Variants in NEK4 observed in about 807,000 individuals in gnomAD.
The protein encoded by NEK4 is NIMA related kinase 4, also known as serine/threonine-protein kinase Nek4.
NEK4 carries 86 observed loss-of-function variants against 98.4 expected under a neutral mutation model. That is an observed-to-expected ratio of 0.87 (90% confidence interval 0.73 to 1.05). The LOEUF is 1.05. NEK4 is among the 50% of genes least tolerant of loss of function. The pLI is 0.00. For synonymous variants in NEK4, 328 were observed against 342.2 expected, an observed-to-expected ratio of 0.96 and a Z score of 0.46; for missense variants, 898 against 950.3, an observed-to-expected ratio of 0.94 and a Z score of 0.72.
At chr3:52,749,858 C>T (rs1013267914) in intron 7 of NEK4, 29 bp from the exon 8 acceptor site, 12 of 158,362 alleles carry the variant, frequency 7.6e-5, no homozygotes, top group Admixed American at 2.0e-4. Context: ...AAAAGAAAAA[C>T]ATGTTCAACA....
chr3:52,768,957 C>T (rs1698681862), intron 1 of NEK4, among the ~76,000 whole-genome samples: 1 of 152,188 alleles, frequency 6.6e-6, no homozygotes, highest in Non-Finnish European at 1.5e-5. Context: ...CAGTGGCTCA[C>T]ACCTGTAATC....
At chr3:52,745,890 T>C (rs2097395238) in intron 10 of NEK4, among the ~76,000 whole-genome samples, 171 bp downstream of exon 10, 1 of 152,162 alleles carries the variant, frequency 6.6e-6, no homozygotes, top group South Asian at 2.1e-4. Context: ...ATTTCGCTAA[T>C]TTTTAAATTT....
In NEK4 at chr3:52,746,059, AC is replaced by A; in HGVS notation, c.1827+1del. 6.2e-7 allele frequency: 1 copy of A among 1,612,780 alleles called. No homozygotes were observed. ...AAAAATCCAGCATATGTTCCCACAA[AC>A]CTTTGATGATGACATCTCACTGCTC... is the stretch of plus-strand genomic sequence containing the variant. On this transcript the variant is annotated splice_donor_variant, in intron 10 of 15. Coordinates refer to ENST00000233027, the MANE Select transcript of NEK4 (RefSeq NM_003157.6). LOFTEE classifies it high-confidence loss of function.
intron 15 of NEK4, among the ~76,000 whole-genome samples, chr3:52,726,380 C>T (rs2097364581): frequency 6.6e-6 from 1 of 151,990 alleles, no homozygotes; most frequent in Non-Finnish European, 1.5e-5. Context: ...AGGTGAATCA[C>T]GAGCTCAGGA....
At chr3:52,715,959 C>A (rs1252699292) in intron 15 of NEK4, among the ~76,000 whole-genome samples, 1 of 152,250 alleles carries the variant, frequency 6.6e-6, no homozygotes, top group Non-Finnish European at 1.5e-5. Context: ...TGGTTCCTGG[C>A]ATCTCCAAGC....
At position 52,746,810 on chromosome 3, in the gene NEK4, C is replaced by T. The variant is rs747680044; in HGVS notation, c.1601G>A (p.Arg534Gln). 27 of 1,613,980 alleles carry T rather than the reference C, an allele frequency of 1.7e-5. No homozygotes were observed. Among genetic ancestry groups the T allele is most frequent in the Admixed American group, 8.3e-5 (5 of 60,000 alleles). The change falls in exon 9 of 16, where the codon CGA (arginine) becomes CAA (glutamine). Residue 534 changes from arginine (R) to glutamine (Q), a missense_variant. Coordinates refer to ENST00000233027, the MANE Select transcript of NEK4 (RefSeq NM_003157.6). ...HNSGSEPSLS[R>Q]QRRQKRREQT... The stretch of plus-strand genomic sequence containing the variant: ...TTCTCTCCTCTTTTGCCGTCGCTGT[C>T]GAGACAGGGAAGGTTCAGACCCAGA...
At chr3:52,759,273 A>G (rs985868214) in intron 6 of NEK4, among the ~76,000 whole-genome samples, 1 of 151,894 alleles carries the variant, frequency 6.6e-6, no homozygotes, top group African/African-American at 2.4e-5. Flanking sequence ...GCATGGTGGC[A>G]TGCTGTGGTC....
Position 52,743,424 on chromosome 3 carries a change from C to T in NEK4, c.1932G>A (p.Gly644=), listed in dbSNP as rs1158825787. The change falls in exon 12 of 16, where the codon GGG becomes GGA. Residue 644 remains glycine (G), a synonymous_variant. Coordinates refer to ENST00000233027, the MANE Select transcript of NEK4 (RefSeq NM_003157.6). ...SVRKASLSVA[G]PGKPQEEDQP... is the part of the protein sequence containing the mutation. The stretch of plus-strand genomic sequence containing the variant: ...GGTCTTCTTCCTGGGGTTTTCCTGG[C>T]CCTGCTACACTCAGAGACGCTTTCC... 2 of 1,613,990 alleles carry T rather than the reference C, an allele frequency of 1.2e-6. No individual in the cohort carries two copies. The highest frequency in any genetic ancestry group is 2.2e-5 in the South Asian group (2 of 91,088).
rs144875434 is a variant in NEK4 at position 52,722,857 on chromosome 3, T to C, written c.2434-10988A>G. Among the ~76,000 whole-genome samples, 157 of 152,208 alleles carry C rather than the reference T, an allele frequency of 1.0e-3. 6 individuals carry two copies. The East Asian group carries it at 0.027, about 27-fold the overall frequency. ...GCTGCAGTGAGCCATGACTATTCCA[T>C]TGCCCTCTAGCCTGAGCGACAGAGC... On this transcript the variant is annotated intron_variant, in intron 15 of 15. Coordinates refer to ENST00000233027, the MANE Select transcript of NEK4 (RefSeq NM_003157.6).
In NEK4 at chr3:52,716,971, G is replaced by A. The variant is rs190167535; in HGVS notation, c.2434-5102C>T. On this transcript the variant is annotated intron_variant, in intron 15 of 15. Transcript: ENST00000233027. ...CAACGGTTATCTTCTTGGGAGGGCA[G>A]GCCATTGGCAGATCTCATCCTGCTG... Among the ~76,000 whole-genome samples the A allele has an allele frequency of 7.9e-5, 12 of 152,290 alleles. No individual in the cohort carries two copies. In the East Asian group the frequency reaches 2.1e-3, roughly 27 times the overall value.
intron 12 of NEK4, 60 bp downstream of exon 12, chr3:52,743,292 C>T: frequency 7.7e-7 from 1 of 1,304,980 alleles, no homozygotes; most frequent in Non-Finnish European, 1.1e-6. Context: ...AAAAGGTTTA[C>T]TGCATTAGGC....
intron 1 of NEK4, 46 bp downstream of exon 1, chr3:52,770,608 C>T (rs1698742696): frequency 1.4e-6 from 2 of 1,459,984 alleles, no homozygotes; most frequent in East Asian, 5.0e-5. Context: ...GCCCTCGGCG[C>T]ACTTCTGCCC....
chr3:52,749,880 T>G lies in NEK4; in HGVS notation c.1369-51A>C, dbSNP rs541846996. ...AAACATGTTCAACATCATTGGTCATTAGGGAGATGCAAATCACAACCACTT... is the reference window on the plus strand; with the variant it reads ...AAACATGTTCAACATCATTGGTCATGAGGGAGATGCAAATCACAACCACTT... On this transcript the variant is annotated intron_variant, in intron 7 of 15. Transcript: ENST00000233027. The G allele has an allele frequency of 1.8e-4, 28 of 156,220 alleles. No homozygotes were observed. In the South Asian group the frequency reaches 4.1e-3, roughly 23 times the overall value. The allele number at this position is 156,220 out of a possible 1,614,324, so 9.7% of individuals were successfully genotyped here. A position where few individuals can be genotyped will look rare whatever the true frequency, so the allele number is the denominator to read the frequency against.
At position 52,752,041 on chromosome 3, in the gene NEK4, T is replaced by A; in HGVS notation, c.1259A>T (p.Gln420Leu). The change falls in exon 7 of 16, where the codon CAG (glutamine) becomes CTG (leucine). Residue 420 changes from glutamine to leucine, a missense_variant. Physicochemically the swap from Gln to Leu is moderately radical, Grantham distance 113. Transcript: ENST00000233027. The stretch of plus-strand genomic sequence containing the variant: ...CCACATGGGAATCAGGTTTTCAGGC[T>A]GGGCACTGGATTTAGTGTTGTCCTG... ...MLQDNTKSSA[Q>L]PENLIPMWSS... The A allele has an allele frequency of 6.2e-7, 1 of 1,614,244 alleles. No individual in the cohort carries two copies. The highest frequency in any genetic ancestry group is 2.2e-5 in the East Asian group (1 of 44,888).
intron 15 of NEK4, among the ~76,000 whole-genome samples, chr3:52,714,139 G>A (rs543558029): frequency 6.6e-6 from 1 of 152,314 alleles, no homozygotes; most frequent in African/African-American, 2.4e-5. Context: ...GGGAGGCTGA[G>A]GTGGGAGAAT....
At chr3:52,738,433 A>G (rs372415970) in intron 14 of NEK4, among the ~76,000 whole-genome samples, 1 of 101,322 alleles carries the variant, frequency 9.9e-6, no homozygotes, top group Non-Finnish European at 2.1e-5. Context: ...ATTTTATTTT[A>G]TTATTTTATT....
chr3:52,738,242 A>T lies in NEK4; in HGVS notation c.2300-523T>A, dbSNP rs185449554. Among the ~76,000 whole-genome samples the T allele has an allele frequency of 1.6e-4, 25 of 151,810 alleles. No individual in the cohort carries two copies. In the East Asian group the frequency reaches 4.8e-3, roughly 29 times the overall value. ...CTGCCTCAGCCTTCCAAGTAACCAGAACTACAGGAATGCACTACCATGTCC... is the reference window on the plus strand; with the variant it reads ...CTGCCTCAGCCTTCCAAGTAACCAGTACTACAGGAATGCACTACCATGTCC... On this transcript the variant is annotated intron_variant, in intron 14 of 15. Coordinates refer to ENST00000233027, the MANE Select transcript of NEK4 (RefSeq NM_003157.6).
chr3:52,767,803 T>C (rs1039852373), intron 2 of NEK4, among the ~76,000 whole-genome samples: 17 of 152,104 alleles, frequency 1.1e-4, no homozygotes, highest in Admixed American at 9.8e-4. Flanking sequence ...AGTTCCAAAA[T>C]AGTATTTCAT....
At chr3:52,766,643 T>C (rs768048103) in intron 2 of NEK4, among the ~76,000 whole-genome samples, 1 of 152,266 alleles carries the variant, frequency 6.6e-6, no homozygotes, top group Non-Finnish European at 1.5e-5. Context: ...AACTGTTCCC[T>C]GGTAGCTTGA....
Sources: gnomAD v4.1 joint callset for allele counts (sites outside exome capture counted in the v4.1 genomes callset) on GRCh38, gnomAD v4.1.1 for gene constraint, MANE v1.5 for transcripts, NCBI Gene and HGNC (gene_info 2026-07-23, HGNC 2026-07-21) for gene names.